HS6ST3: variants seen among roughly 807,000 people sequenced by gnomAD.
HS6ST3 encodes the protein heparan sulfate 6-O-sulfotransferase 3, also known as heparan-sulfate 6-O-sulfotransferase 3.
Under a neutral mutation model 36.7 loss-of-function variants are expected in HS6ST3, and 12 were observed. The ratio of observed to expected loss-of-function variants is 0.33; its 90% CI spans 0.21 to 0.53. The LOEUF (loss-of-function observed/expected upper bound fraction) is 0.53. Ranked by LOEUF, HS6ST3 falls within the 20% of genes least tolerant of loss-of-function variation. HS6ST3 has a pLI of 0.95. For missense variants in HS6ST3, 584 were observed against 640.9 expected, an observed-to-expected ratio of 0.91 and a Z score of 0.96; for synonymous variants, 240 against 257.5, an observed-to-expected ratio of 0.93 and a Z score of 0.65.
chr13:96,286,012 C>T (rs1229050840), intron 1 of HS6ST3, among the ~76,000 whole-genome samples: 1 of 139,000 alleles, frequency 7.2e-6, no homozygotes, highest in East Asian at 2.5e-4. Context: ...CCCTCCCTTT[C>T]TCTCTTTCTT....
intron 1 of HS6ST3, among the ~76,000 whole-genome samples, chr13:96,558,484 A>G (rs888400122): frequency 6.6e-6 from 1 of 152,226 alleles, no homozygotes; most frequent in Admixed American, 6.5e-5. Flanking sequence ...CTGCTGAGCT[A>G]TAAGAGGTTC....
intron 1 of HS6ST3, among the ~76,000 whole-genome samples, chr13:96,755,021 G>T (rs547012839): frequency 1.3e-5 from 2 of 151,592 alleles, no homozygotes; most frequent in Admixed American, 6.6e-5. Context: ...TTACACTAAT[G>T]TTAGGACTGT....
chr13:96,446,300 T>TC (rs2055698718), intron 1 of HS6ST3, among the ~76,000 whole-genome samples: 1 of 152,220 alleles, frequency 6.6e-6, no homozygotes, highest in African/African-American at 2.4e-5. Flanking sequence ...CATTTTTTTT[T>TC]CAGACATATT....
At position 96,550,925 on chromosome 13, in the gene HS6ST3, A is replaced by G. The variant is rs192636660; in HGVS notation, c.708-281565A>G. 4.1e-3 allele frequency among the ~76,000 whole-genome samples: 627 copies of G among 152,328 alleles called. 1 individual carries two copies. Among genetic ancestry groups the G allele is most frequent in the Non-Finnish European group, 7.3e-3 (494 of 68,032 alleles). On this transcript the variant is annotated intron_variant, in intron 1 of 1. Coordinates refer to ENST00000376705, the MANE Select transcript of HS6ST3 (RefSeq NM_153456.4). ...GATATGACACTTTTACTAGCATGATATATTTAGACAATTCTAATCATAGTT... is the reference window on the plus strand; with the variant it reads ...GATATGACACTTTTACTAGCATGATGTATTTAGACAATTCTAATCATAGTT...
At chr13:96,420,538 A>G (rs939373571) in intron 1 of HS6ST3, among the ~76,000 whole-genome samples, 2 of 152,176 alleles carry the variant, frequency 1.3e-5, no homozygotes, top group African/African-American at 4.8e-5. Context: ...GGAATATCTA[A>G]CTTTAGAGCA....
chr13:96,652,387 C>G (rs1208245845), intron 1 of HS6ST3, among the ~76,000 whole-genome samples: 1 of 151,756 alleles, frequency 6.6e-6, no homozygotes, highest in Non-Finnish European at 1.5e-5. Context: ...TTTCCTCCCT[C>G]CCTTCCTTCC....
At chr13:96,614,394 G>A (rs2056467125) in intron 1 of HS6ST3, among the ~76,000 whole-genome samples, 1 of 151,710 alleles carries the variant, frequency 6.6e-6, no homozygotes, top group Non-Finnish European at 1.5e-5. Context: ...AAGGAGGGAA[G>A]GGTCACAGGA....
intron 1 of HS6ST3, among the ~76,000 whole-genome samples, chr13:96,602,634 C>A (rs1443802204): frequency 1.3e-5 from 2 of 152,166 alleles, no homozygotes; most frequent in African/African-American, 2.4e-5. Context: ...TATGGGCCCA[C>A]TAAAGTTGTC....
At chr13:96,360,555 A>G (rs573603318) in intron 1 of HS6ST3, among the ~76,000 whole-genome samples, 24 of 151,772 alleles carry the variant, frequency 1.6e-4, no homozygotes, top group Non-Finnish European at 3.2e-4. Context: ...GTCAGGCTAC[A>G]CTTCTATTGA....
At chr13:96,514,145 G>A (rs1024941105) in intron 1 of HS6ST3, among the ~76,000 whole-genome samples, 1 of 152,058 alleles carries the variant, frequency 6.6e-6, no homozygotes, top group Non-Finnish European at 1.5e-5. Flanking sequence ...CGAGAGTAGA[G>A]GAACAAGAGC....
At chr13:96,143,478 A>G (rs1370332666) in intron 1 of HS6ST3, among the ~76,000 whole-genome samples, 1 of 149,932 alleles carries the variant, frequency 6.7e-6, no homozygotes, top group African/African-American at 2.4e-5. Flanking sequence ...TAAGCAGACA[A>G]GGCAGTTTCA....
At chr13:96,443,384 G>T (rs1180866905) in intron 1 of HS6ST3, among the ~76,000 whole-genome samples, 2 of 151,818 alleles carry the variant, frequency 1.3e-5, no homozygotes, top group African/African-American at 4.8e-5. Flanking sequence ...CAAAAAATTA[G>T]CCGGGCATGG....
chr13:96,221,761 G>A (rs2054456680), intron 1 of HS6ST3, among the ~76,000 whole-genome samples: 1 of 152,144 alleles, frequency 6.6e-6, no homozygotes, highest in South Asian at 2.1e-4. Context: ...CTAGATAGTT[G>A]GAGAGTTTAT....
intron 1 of HS6ST3, among the ~76,000 whole-genome samples, chr13:96,230,793 G>A (rs984736350): frequency 2.0e-5 from 3 of 152,156 alleles, no homozygotes; most frequent in Non-Finnish European, 4.4e-5. Flanking sequence ...CATGTTCACA[G>A]GCTGAGATGA....
intron 1 of HS6ST3, among the ~76,000 whole-genome samples, chr13:96,350,861 G>T (rs73550653): frequency 0.027 from 4,059 of 152,130 alleles, 62 homozygotes; most frequent in East Asian, 0.055. Context: ...ATTTTCCCAG[G>T]TCTCAAAAAT....
At chr13:96,278,018 A>G (rs16951460) in intron 1 of HS6ST3, among the ~76,000 whole-genome samples, 3,920 of 152,076 alleles carry the variant, frequency 0.026, 61 homozygotes, top group East Asian at 0.055. Context: ...AATAATGAGG[A>G]CTCCGTTAAT....
intron 1 of HS6ST3, chr13:96,574,202 T>C: frequency 2.0e-6 from 1 of 509,360 alleles, no homozygotes; most frequent in Non-Finnish European, 4.0e-6. Context: ...CTGCTCTGTC[T>C]CCCTCCATAC....
At position 96,283,432 on chromosome 13, in the gene HS6ST3, CTG is replaced by C. The variant is rs764029817; in HGVS notation, c.707+191865_707+191866del. Among the ~76,000 whole-genome samples the C allele has an allele frequency of 2.1e-3, 327 of 152,278 alleles. 4 individuals are homozygous for C. The highest frequency in any genetic ancestry group is 7.4e-4 in the Non-Finnish European group (50 of 68,024). On this transcript the variant is annotated intron_variant, in intron 1 of 1. Transcript: ENST00000376705. ...ATCATGTAATATTTGAACATATAAA[CTG>C]TATGTAACATCATCCTAACAGGAAC... is the stretch of plus-strand genomic sequence containing the variant.
intron 1 of HS6ST3, among the ~76,000 whole-genome samples, chr13:96,322,042 A>G (rs113222823): frequency 0.013 from 2,001 of 152,098 alleles, 42 homozygotes; most frequent in African/African-American, 0.046. Flanking sequence ...CTGGATTCCC[A>G]TCATCTCCTC....
Sources: allele counts gnomAD v4.1 joint callset (sites outside exome capture counted in the v4.1 genomes callset), GRCh38; gene constraint gnomAD v4.1.1; transcripts MANE v1.5; gene names NCBI Gene and HGNC (gene_info 2026-07-23, HGNC 2026-07-21).